GRM5: variants seen among roughly 807,000 people sequenced by gnomAD.
GRM5 encodes the protein metabotropic glutamate receptor 5.
A neutral mutation model predicts 83.1 loss-of-function variants in GRM5; 19 were observed. That is an observed-to-expected ratio of 0.23 (90% CI 0.16 to 0.34). GRM5 has a LOEUF of 0.34. Among genes scored for constraint, GRM5 ranks in the 10% least tolerant of loss-of-function variants. The pLI is 1.00. For synonymous variants in GRM5, 675 were observed against 633.6 expected (o/e 1.07, Z -0.98); for missense variants, 1,160 against 1,588.3 (o/e 0.73, Z 4.58).
chr11:88,800,760 C>T (rs1943376305), intron 3 of GRM5, among the ~76,000 whole-genome samples: 1 of 152,076 alleles, frequency 6.6e-6, no homozygotes, highest in Non-Finnish European at 1.5e-5. Flanking sequence ...TTCAATTGCC[C>T]TGAGCAACAC....
chr11:88,704,365 C>A (rs1199575519), intron 3 of GRM5, among the ~76,000 whole-genome samples: 1 of 151,952 alleles, frequency 6.6e-6, no homozygotes, highest in Non-Finnish European at 1.5e-5. Flanking sequence ...ATTTTAAAAC[C>A]AGAACTTACT....
chr11:88,725,794 G>A (rs1285711936), intron 3 of GRM5, among the ~76,000 whole-genome samples: 4 of 151,644 alleles, frequency 2.6e-5, no homozygotes, highest in African/African-American at 9.7e-5. Context: ...CAGCAGAGGG[G>A]CCTGACTGTT....
intron 8 of GRM5, among the ~76,000 whole-genome samples, chr11:88,541,324 A>G (rs1159323292): frequency 6.6e-6 from 1 of 152,166 alleles, no homozygotes; most frequent in East Asian, 1.9e-4. Flanking sequence ...TAGGAGTTTC[A>G]TTGTGATCTG....
intron 3 of GRM5, among the ~76,000 whole-genome samples, chr11:88,744,739 T>G (rs1442592013): frequency 6.6e-6 from 1 of 152,072 alleles, no homozygotes; most frequent in African/African-American, 2.4e-5. Context: ...GGTATTAGAA[T>G]CCAATCCTGA....
intron 9 of GRM5, among the ~76,000 whole-genome samples, chr11:88,522,499 A>T (rs1362407638): frequency 6.7e-6 from 1 of 150,258 alleles, no homozygotes; most frequent in African/African-American, 2.5e-5. Context: ...GTGAATTTTG[A>T]CCTCTCTTTT....
chr11:88,653,144 A>T, intron 4 of GRM5, 24 bp downstream of exon 4: 1 of 1,378,736 alleles, frequency 7.3e-7, no homozygotes, highest in Non-Finnish European at 1.0e-6. Flanking sequence ...TATGCATTTT[A>T]AATGAAATAA....
chr11:88,541,176 T>C (rs1942257269), intron 8 of GRM5, among the ~76,000 whole-genome samples: 1 of 152,206 alleles, frequency 6.6e-6, no homozygotes, highest in Admixed American at 6.5e-5. Context: ...AATTCTGTCA[T>C]TTCCAAGCAG....
intron 2 of GRM5, among the ~76,000 whole-genome samples, chr11:88,940,937 C>T (rs1388839693): frequency 1.3e-5 from 2 of 151,990 alleles, no homozygotes; most frequent in Admixed American, 1.3e-4. Flanking sequence ...CTTACATGTG[C>T]ACTCATATGT....
At chr11:88,564,608 C>T (rs1356050475) in intron 8 of GRM5, among the ~76,000 whole-genome samples, 2 of 152,086 alleles carry the variant, frequency 1.3e-5, no homozygotes, top group Admixed American at 6.6e-5. Context: ...AGAGTGTGCA[C>T]ATTTGAAGAC....
intron 2 of GRM5, among the ~76,000 whole-genome samples, chr11:88,956,592 G>A (rs1938622579): frequency 6.6e-6 from 1 of 151,216 alleles, no homozygotes; most frequent in South Asian, 2.1e-4. Context: ...AGATCACGAG[G>A]TCAGGAAATC....
intron 2 of GRM5, among the ~76,000 whole-genome samples, chr11:88,952,252 A>G (rs550071240): frequency 6.6e-6 from 1 of 152,054 alleles, no homozygotes; most frequent in Non-Finnish European, 1.5e-5. Context: ...AATCTCCTAT[A>G]CATCTTTCAG....
chr11:88,726,112 AC>A (rs1383187521), intron 3 of GRM5, among the ~76,000 whole-genome samples: 1 of 152,162 alleles, frequency 6.6e-6, no homozygotes, highest in Non-Finnish European at 1.5e-5. Flanking sequence ...GCATGTTCTA[AC>A]CCAATGTAAA....
intron 7 of GRM5, among the ~76,000 whole-genome samples, chr11:88,580,874 C>T (rs1943202727): frequency 6.6e-6 from 1 of 152,208 alleles, no homozygotes; most frequent in South Asian, 2.1e-4. Context: ...GGCACAGTGG[C>T]TCACGCCTGT....
At chr11:89,033,568 C>A (rs1242280374) in intron 2 of GRM5, among the ~76,000 whole-genome samples, 2 of 151,642 alleles carry the variant, frequency 1.3e-5, no homozygotes, top group East Asian at 3.9e-4. Flanking sequence ...ATTTTTTTAT[C>A]CAGCTAATGG....
intron 3 of GRM5, among the ~76,000 whole-genome samples, chr11:88,706,571 G>T (rs1206160522): frequency 2.0e-5 from 3 of 152,038 alleles, no homozygotes; most frequent in Non-Finnish European, 4.4e-5. Context: ...ATTTTGGAAG[G>T]TGCTATTAAT....
chr11:88,748,262 C>T lies in GRM5; in HGVS notation c.912-94859G>A, dbSNP rs1239892810. Among the ~76,000 whole-genome samples the T allele has an allele frequency of 2.0e-5, 3 of 152,132 alleles. 1 individual carries two copies. In the East Asian group the frequency reaches 5.8e-4, roughly 29 times the overall value. ...ACAGAGACTGGGAGTTTTACATACT[C>T]CAGCCCTGGGATTCCTAGCAAGGCA... On this transcript the variant is annotated intron_variant, in intron 3 of 9. Transcript: ENST00000305447.
chr11:88,877,944 A>C (rs1944887051), intron 2 of GRM5, among the ~76,000 whole-genome samples: 1 of 152,154 alleles, frequency 6.6e-6, no homozygotes, highest in Non-Finnish European at 1.5e-5. Flanking sequence ...AGCATGGCAC[A>C]TGTATACATA....
chr11:88,759,084 C>T (rs1324714292), intron 3 of GRM5, among the ~76,000 whole-genome samples: 2 of 152,082 alleles, frequency 1.3e-5, no homozygotes, highest in African/African-American at 4.8e-5. Context: ...AAAGAAAGAA[C>T]TAAATATAGA....
At chr11:88,701,201 T>A (rs1186427010) in intron 3 of GRM5, among the ~76,000 whole-genome samples, 1 of 152,134 alleles carries the variant, frequency 6.6e-6, no homozygotes, top group Non-Finnish European at 1.5e-5. Flanking sequence ...GAAACCACCA[T>A]CTTGTTAGAG....
Sources: allele counts gnomAD v4.1 joint callset (sites outside exome capture counted in the v4.1 genomes callset), GRCh38; gene constraint gnomAD v4.1.1; transcripts MANE v1.5; gene names NCBI Gene and HGNC (gene_info 2026-07-23, HGNC 2026-07-21).